Variants in RPL26 observed in about 807,000 individuals in gnomAD.
The protein encoded by RPL26 is large ribosomal subunit protein uL24.
RPL26 carries 1 observed loss-of-function variant against 16.2 expected under a neutral mutation model. The ratio of observed to expected loss-of-function variants is 0.06; its 90% CI spans 0.02 to 0.29. RPL26 has a LOEUF of 0.29. RPL26 is among the 10% of genes least tolerant of loss of function. The probability of loss-of-function intolerance (pLI) is 1.00; values close to 1 mark genes in which losing one functional copy is unlikely to be tolerated. For missense variants in RPL26, 102 were observed against 184.3 expected (o/e 0.55, Z 2.58); for synonymous variants, 55 against 62.4 (o/e 0.88, Z 0.56).
rs150294416 is a variant in RPL26 at position 8,380,033 on chromosome 17, A to G, written c.169-97T>C. Reference sequence around the variant, plus strand: ...TGCATACACCATTCACCCTATCATTATATTAAAAGGTTAAAAAAAAGAGCC... The same window carrying G: ...TGCATACACCATTCACCCTATCATTGTATTAAAAGGTTAAAAAAAAGAGCC... On this transcript the variant is annotated intron_variant, in intron 2 of 3. Coordinates refer to ENST00000648839, the MANE Select transcript of RPL26 (RefSeq NM_000987.5). 2.2e-4 allele frequency: 228 copies of G among 1,017,594 alleles called. 1 individual carries two copies. The African/African-American group carries it at 3.4e-3, about 15-fold the overall frequency. 63.0% of individuals were successfully genotyped at this position (1,017,594 alleles called of 1,614,324 possible).
rs1422237579 is a variant in RPL26 at position 8,382,169 on chromosome 17, G to A, written c.142C>T (p.Pro48Ser). 1.2e-6 allele frequency: 2 copies of A among 1,613,620 alleles called. No individual in the cohort carries two copies. The highest frequency in any genetic ancestry group is 2.2e-5 in the South Asian group (2 of 91,032). The change falls in exon 2 of 4, where the codon CCC (proline) becomes TCC (serine). Residue 48 changes from proline to serine, a missense_variant. Transcript: ENST00000648839. ...LRQKYNVRSMPIRKDDEVQVV... is the reference protein window; with the variant it reads ...LRQKYNVRSMSIRKDDEVQVV... ...TGAACTTCATCATCCTTTCGGATGG[G>A]CATGGATCGCACGTTGTACTTCTGT...
At chr17:8,381,738 C>T (rs1907422915) in intron 2 of RPL26, 1 of 212,630 alleles carries the variant, frequency 4.7e-6, no homozygotes. Context: ...GACCACCCTG[C>T]CCAACATGGT....
At position 8,379,817 on chromosome 17, in the gene RPL26, G is replaced by A. The variant is rs573206384; in HGVS notation, c.288C>T (p.His96=). 3.7e-5 allele frequency: 59 copies of A among 1,613,080 alleles called. No homozygotes were observed. Among genetic ancestry groups the A allele is most frequent in the African/African-American group, 1.2e-4 (9 of 74,982 alleles). ...CTACCTTGCTGGGGTGAATGCCTAC[G>A]TGGACAGTTGTGCCATTAGCCTTTT... ...QREKANGTTV[H]VGIHPSKVVI... Residue 96 remains histidine, a synonymous_variant, in exon 3 of 4, where the codon CAC becomes CAT. Coordinates refer to ENST00000648839, the MANE Select transcript of RPL26 (RefSeq NM_000987.5).
At chr17:8,380,424 A>C (rs1907357191) in intron 2 of RPL26, among the ~76,000 whole-genome samples, 1 of 152,156 alleles carries the variant, frequency 6.6e-6, no homozygotes, top group South Asian at 2.1e-4. Context: ...TTGTTTGGGA[A>C]CCCATTTCAT....
chr17:8,378,168 T>C (rs1192059718), intron 3 of RPL26, among the ~76,000 whole-genome samples: 2 of 152,114 alleles, frequency 1.3e-5, no homozygotes, highest in Admixed American at 1.3e-4. Flanking sequence ...CCTTCTCTAC[T>C]AAAAATACAA....
chr17:8,378,948 T>C (rs569813550), intron 3 of RPL26, among the ~76,000 whole-genome samples: 1 of 152,186 alleles, frequency 6.6e-6, no homozygotes, highest in African/African-American at 2.4e-5. Context: ...GAACAGCAAG[T>C]TGAAAGGTTC....
rs750540417 is a variant in RPL26 at position 8,382,287 on chromosome 17, A to G, written c.24T>C (p.Thr8=). The G allele has an allele frequency of 5.0e-6, 8 of 1,613,556 alleles. No individual in the cohort carries two copies. In the East Asian group the frequency reaches 1.8e-4, roughly 36 times the overall value. ...TTTTGCGATTCTTGCTTCGGTCGGA[A>G]GTCACAAAGGGATTAAACTTCATTT... MKFNPFV[T]SDRSKNRKRH... Residue 8 remains threonine, a synonymous_variant, in exon 2 of 4, where the codon ACT becomes ACC. Transcript: ENST00000648839.
chr17:8,377,814 T>A, intron 3 of RPL26, 122 bp from the exon 4 acceptor site: 1 of 820,604 alleles, frequency 1.2e-6, no homozygotes, highest in Non-Finnish European at 1.8e-6. Context: ...TAAGAAAAGA[T>A]TTTAACTTTT....
At position 8,379,573 on chromosome 17, in the gene RPL26, AAAAC is replaced by A; in HGVS notation, c.309+219_309+222del. 5.1e-6 allele frequency: 3 copies of A among 583,316 alleles called. 1 individual carries two copies. Among genetic ancestry groups the A allele is most frequent in the South Asian group, 4.6e-5 (2 of 43,576 alleles). The allele number at this position is 583,316 out of a possible 1,614,324, so 36.1% of individuals were successfully genotyped here. ...TGGGTGAAAGAGCAAGACTGTCTCA[AAAAC>A]AAACTAACAGAAACATAATGACCGT... On this transcript the variant is annotated intron_variant, in intron 3 of 3. Coordinates refer to ENST00000648839, the MANE Select transcript of RPL26 (RefSeq NM_000987.5).
chr17:8,379,478 G>T (rs1366740769), intron 3 of RPL26: 1 of 465,700 alleles, frequency 2.1e-6, no homozygotes, highest in Non-Finnish European at 3.8e-6. Flanking sequence ...GGAGGCTGAG[G>T]CGGGAGAATC....
At chr17:8,383,079 G>A in intron 1 of RPL26, 78 bp downstream of exon 1, 1 of 398,580 alleles carries the variant, frequency 2.5e-6, no homozygotes, top group Non-Finnish European at 4.4e-6. Flanking sequence ...GAGACTCTCG[G>A]GGTCCCCGCG....
chr17:8,381,504 T>G (rs764456891), intron 2 of RPL26, among the ~76,000 whole-genome samples: 1 of 151,726 alleles, frequency 6.6e-6, no homozygotes, highest in African/African-American at 2.4e-5. Context: ...TCCCCAGGAG[T>G]TGGAGACCAA....
At position 8,377,521 on chromosome 17, in the gene RPL26, T is replaced by A. The variant is rs767105056; in HGVS notation, c.*43A>T. Reference sequence around the variant, plus strand: ...AAATCACCACACACAAAACACAGGCTCTTTGTTTCAAGTTTTAATCAAAGC... The same window carrying A: ...AAATCACCACACACAAAACACAGGCACTTTGTTTCAAGTTTTAATCAAAGC... On this transcript the variant is annotated 3_prime_UTR_variant, in exon 4 of 4. Transcript: ENST00000648839. The A allele has an allele frequency of 2.0e-5, 31 of 1,514,634 alleles. No homozygotes were observed. Among genetic ancestry groups the A allele is most frequent in the Non-Finnish European group, 2.7e-5 (30 of 1,122,118 alleles). 93.8% of individuals were successfully genotyped at this position (1,514,634 alleles called of 1,614,324 possible).
At chr17:8,382,824 T>G (rs1426675533) in intron 1 of RPL26, 2 of 386,194 alleles carry the variant, frequency 5.2e-6, no homozygotes, top group Admixed American at 9.0e-5. Context: ...AGCCTCCCAG[T>G]GGGCAAGTGT....
At chr17:8,381,341 T>C (rs944297309) in intron 2 of RPL26, 2 of 152,238 alleles carry the variant, frequency 1.3e-5, no homozygotes, top group East Asian at 3.8e-4. Flanking sequence ...CCTGTCTAGA[T>C]AAATCGGCTC....
chr17:8,378,022 AAT>A (rs1907230893), intron 3 of RPL26, among the ~76,000 whole-genome samples: 1 of 152,170 alleles, frequency 6.6e-6, no homozygotes, highest in Admixed American at 6.5e-5. Flanking sequence ...GTCATATACA[AAT>A]ATATTTGTTT....
intron 3 of RPL26, chr17:8,379,564 A>G: frequency 1.7e-6 from 1 of 577,056 alleles, no homozygotes; most frequent in Non-Finnish European, 3.0e-6. Flanking sequence ...AAAGAGCAAG[A>G]CTGTCTCAAA....
At chr17:8,381,022 T>C (rs1907384178) in intron 2 of RPL26, 1 of 92,100 alleles carries the variant, frequency 1.1e-5, no homozygotes, top group African/African-American at 4.9e-5. Flanking sequence ...AAGCCTAAGA[T>C]TTGTGTGATT....
At chr17:8,382,750 G>A in intron 1 of RPL26, 1 of 320,538 alleles carries the variant, frequency 3.1e-6, no homozygotes, top group Non-Finnish European at 5.6e-6. Flanking sequence ...GTATAGCCCC[G>A]CCAAAATGAA....
Sources: gnomAD v4.1 joint callset for allele counts (sites outside exome capture counted in the v4.1 genomes callset) on GRCh38, gnomAD v4.1.1 for gene constraint, MANE v1.5 for transcripts, NCBI Gene and HGNC (gene_info 2026-07-23, HGNC 2026-07-21) for gene names.